The following NBPF15 variants were observed in gnomAD, a reference collection of about 807,000 sequenced individuals.
NBPF15 encodes NBPF member 15.
Under a neutral mutation model 62.2 loss-of-function variants are expected in NBPF15, and 74 were observed. That is an observed-to-expected ratio of 1.19 (90% CI 0.99 to 1.44). The LOEUF is 1.44. Among genes scored for constraint, NBPF15 ranks in the 40% most tolerant of loss-of-function variants. NBPF15 has a pLI of 0.00. For synonymous variants in NBPF15, 244 were observed against 209.7 expected (o/e 1.16, Z -1.41); for missense variants, 790 against 550.0 (o/e 1.44, Z -4.36).
rs1264076161 is a variant in NBPF15 at position 144,440,254 on chromosome 1, A to C, written c.-149T>G. On this transcript the variant is annotated 5_prime_UTR_variant, in exon 7 of 22. It introduces an in-frame stop codon into an upstream open reading frame of the 5' UTR. Transcript: ENST00000581897. The stretch of plus-strand genomic sequence containing the variant: ...AGCACTGTCAGTAGCGCAGACTCTG[A>C]TAAGAGTGAGGTAGATTGTGGCCAG... 4.0e-6 allele frequency: 6 copies of C among 1,513,680 alleles called. No homozygotes were observed. In the African/African-American group the frequency reaches 4.1e-5, roughly 10 times the overall value. The allele number at this position is 1,513,680 out of a possible 1,614,324, so 93.8% of individuals were successfully genotyped here. A position where few individuals can be genotyped will look rare whatever the true frequency, so the allele number is the denominator to read the frequency against.
intron 15 of NBPF15, among the ~76,000 whole-genome samples, chr1:144,428,242 C>T (rs1671382626): frequency 6.6e-6 from 1 of 151,678 alleles, no homozygotes; most frequent in African/African-American, 2.4e-5. Flanking sequence ...GGTCAGGTGA[C>T]ACACTGATGA....
chr1:144,457,974 C>A (rs1384644263), intron 3 of NBPF15, among the ~76,000 whole-genome samples: 1 of 151,616 alleles, frequency 6.6e-6, no homozygotes, highest in African/African-American at 2.4e-5. Context: ...GTAGACCCAG[C>A]TACTAAGGAA....
At chr1:144,425,077 C>A (rs1382874399) in intron 19 of NBPF15, among the ~76,000 whole-genome samples, 175 of 144,606 alleles carry the variant, frequency 1.2e-3, no homozygotes, top group Middle Eastern at 0.011. Flanking sequence ...CACACACACA[C>A]ACACACACAC....
chr1:144,437,230 A>T, intron 9 of NBPF15, 121 bp from the exon 10 acceptor site: 1 of 997,746 alleles, frequency 1.0e-6, no homozygotes. Context: ...AGGTCAGCAC[A>T]TGTTTAAAGG....
intron 20 of NBPF15, 49 bp from the exon 21 acceptor site, chr1:144,424,024 A>C: frequency 1.3e-6 from 1 of 761,784 alleles, no homozygotes; most frequent in South Asian, 1.3e-5. Flanking sequence ...ATTCCCCTAC[A>C]CATATAACAA....
chr1:144,422,833 C>T lies in NBPF15; in HGVS notation c.*180G>A, dbSNP rs1553538436. 10 of 1,477,084 alleles carry T rather than the reference C, an allele frequency of 6.8e-6. No individual in the cohort carries two copies. Among genetic ancestry groups the T allele is most frequent in the South Asian group, 1.3e-5 (1 of 76,832 alleles). The allele number at this position is 1,477,084 out of a possible 1,614,324, so 91.5% of individuals were successfully genotyped here. ...TGAACGTGTCACACCTAACATGGGT[C>T]CATTGTCTTCAGATTGAGCACAGGT... On this transcript the variant is annotated 3_prime_UTR_variant, in exon 22 of 22. Transcript: ENST00000581897.
chr1:144,438,953 TCTCTG>T (rs1212649088), intron 8 of NBPF15, among the ~76,000 whole-genome samples: 1 of 151,812 alleles, frequency 6.6e-6, no homozygotes, highest in African/African-American at 2.4e-5. Context: ...ACCAAGCTAC[TCTCTG>T]CTTTTTATTC....
intron 4 of NBPF15, among the ~76,000 whole-genome samples, chr1:144,452,006 G>T (rs1333371617): frequency 6.6e-6 from 1 of 151,432 alleles, no homozygotes; most frequent in Non-Finnish European, 1.5e-5. Context: ...ACAAACATTA[G>T]CCAGGTGTGG....
At chr1:144,442,429 TA>T (rs1336945894) in intron 6 of NBPF15, among the ~76,000 whole-genome samples, 3 of 144,288 alleles carry the variant, frequency 2.1e-5, no homozygotes, top group African/African-American at 5.1e-5. Flanking sequence ...TATATATATA[TA>T]TTTTTTTCTT....
intron 21 of NBPF15, 35 bp downstream of exon 21, chr1:144,423,835 C>T: frequency 1.3e-6 from 1 of 762,778 alleles, no homozygotes; most frequent in Non-Finnish European, 2.4e-6. Context: ...CAGGTGTTAA[C>T]ACAGAATTAA....
rs1667613759 is a variant in NBPF15, at chr1:144,423,927, T to C, written c.1712A>G (p.Lys571Arg). The change falls in exon 21 of 22, where the codon AAG (lysine) becomes AGG (arginine). Residue 571 changes from lysine (K) to arginine (R), a missense_variant. Transcript: ENST00000581897. Reference sequence around the variant, plus strand: ...TTTTCTTCCCCTTCTTCTTTTCTTCTTTGATCTTCTTCCCCTTCTTTTCTT... The same window carrying C: ...TTTTCTTCCCCTTCTTCTTTTCTTCCTTGATCTTCTTCCCCTTCTTTTCTT... ...KGKKRRGRRSKKKRRRGRKEG... is the reference protein window; with the variant it reads ...KGKKRRGRRSRKKRRRGRKEG... 2.5e-6 allele frequency: 2 copies of C among 793,140 alleles called. No individual in the cohort carries two copies. Among genetic ancestry groups the C allele is most frequent in the African/African-American group, 1.7e-5 (1 of 59,554 alleles). The allele number at this position is 793,140 out of a possible 1,614,324, so 49.1% of individuals were successfully genotyped here. A position where few individuals can be genotyped will look rare whatever the true frequency, so the allele number is the denominator to read the frequency against.
intron 6 of NBPF15, among the ~76,000 whole-genome samples, chr1:144,445,996 C>A (rs1268171325): frequency 2.7e-5 from 4 of 147,234 alleles, no homozygotes; most frequent in Non-Finnish European, 6.0e-5. Flanking sequence ...AGCTGGACTA[C>A]AGGCACATGC....
intron 13 of NBPF15, among the ~76,000 whole-genome samples, chr1:144,430,910 C>A (rs1315392927): frequency 6.6e-6 from 1 of 151,938 alleles, no homozygotes; most frequent in African/African-American, 2.4e-5. Flanking sequence ...AACCATGGCA[C>A]GAGAACTACG....
intron 10 of NBPF15, among the ~76,000 whole-genome samples, chr1:144,436,683 A>G (rs1178812044): frequency 1.3e-5 from 2 of 151,996 alleles, no homozygotes; most frequent in Non-Finnish European, 2.9e-5. Context: ...ACCACCTTCC[A>G]TCAAGGGAGG....
intron 5 of NBPF15, among the ~76,000 whole-genome samples, chr1:144,450,526 C>T (rs1256754908): frequency 6.6e-6 from 1 of 150,398 alleles, no homozygotes; most frequent in Non-Finnish European, 1.5e-5. Context: ...AAAACACAGC[C>T]AGCCCATTCC....
intron 6 of NBPF15, among the ~76,000 whole-genome samples, chr1:144,442,303 TAC>T (rs1292906479): frequency 7.7e-6 from 1 of 129,122 alleles, no homozygotes; most frequent in African/African-American, 2.9e-5. Flanking sequence ...TATATATATA[TAC>T]ACGTGTATAT....
intron 2 of NBPF15, among the ~76,000 whole-genome samples, chr1:144,459,796 G>A (rs1315073798): frequency 2.0e-5 from 3 of 151,628 alleles, no homozygotes; most frequent in Non-Finnish European, 4.4e-5. Flanking sequence ...CTACTAGAAT[G>A]GCAAAATAAT....
rs1412739751 is a variant in NBPF15 at position 144,421,506 on chromosome 1, AG to A, written c.*1506del. 2.6e-5 allele frequency: 4 copies of A among 152,026 alleles called. No homozygotes were observed. Among genetic ancestry groups the A allele is most frequent in the South Asian group, 4.2e-4 (2 of 4,786 alleles). 9.4% of individuals were successfully genotyped at this position (152,026 alleles called of 1,614,324 possible). A position where few individuals can be genotyped will look rare whatever the true frequency, so the allele number is the denominator to read the frequency against. On this transcript the variant is annotated 3_prime_UTR_variant, in exon 22 of 22. Coordinates refer to ENST00000581897, the MANE Select transcript of NBPF15 (RefSeq NM_001385408.1). ...CCAGAAGTCCAGAGTGATAGGCAAA[AG>A]GTTTTAATTGTATAGATTAAAATTA...
rs1462342157 is a variant in NBPF15, at chr1:144,450,872, T to G, written c.-431-2A>C. 3 of 759,444 alleles carry G rather than the reference T, an allele frequency of 4.0e-6. No individual in the cohort carries two copies. The highest frequency in any genetic ancestry group is 1.3e-4 in the Admixed American group (2 of 15,986). 47.0% of individuals were successfully genotyped at this position (759,444 alleles called of 1,614,324 possible). A position where few individuals can be genotyped will look rare whatever the true frequency, so the allele number is the denominator to read the frequency against. ...GCTTTACTGTTATCAATCACATTTCTGAAAGAATAAAAATGGTTCAGTGAA... is the reference window on the plus strand; with the variant it reads ...GCTTTACTGTTATCAATCACATTTCGGAAAGAATAAAAATGGTTCAGTGAA... On this transcript the variant is annotated splice_acceptor_variant, in intron 4 of 21. Transcript: ENST00000581897. LOFTEE classifies it low-confidence loss of function (5UTR_SPLICE).
Sources: gnomAD v4.1 joint callset for allele counts (sites outside exome capture counted in the v4.1 genomes callset) on GRCh38, gnomAD v4.1.1 for gene constraint, MANE v1.5 for transcripts, NCBI Gene and HGNC (gene_info 2026-07-23, HGNC 2026-07-21) for gene names.